AAAS: variants seen among roughly 807,000 people sequenced by gnomAD.
AAAS encodes the protein aladin.
A neutral mutation model predicts 75.6 loss-of-function variants in AAAS; 60 were observed. The observed-to-expected ratio is 0.79, with a 90% CI of 0.64 to 0.98. The LOEUF (loss-of-function observed/expected upper bound fraction) is 0.98, where lower values mean the gene tolerates loss of function less well. Ranked by LOEUF, AAAS falls within the 50% of genes least tolerant of loss-of-function variation. AAAS has a pLI of 0.00. For missense variants in AAAS, 658 were observed against 686.9 expected (o/e 0.96, Z 0.47); for synonymous variants, 271 against 265.0 (o/e 1.02, Z -0.22).
At chr12:53,319,585 G>GATTA (rs1555191599) in intron 2 of AAAS, among the ~76,000 whole-genome samples, 1 of 151,434 alleles carries the variant, frequency 6.6e-6, no homozygotes, top group Non-Finnish European at 1.5e-5. Context: ...GCCAAGGCAG[G>GATTA]CCTGAGGTCA....
chr12:53,310,630 C>T (rs1428091523), intron 7 of AAAS, among the ~76,000 whole-genome samples: 1 of 152,072 alleles, frequency 6.6e-6, no homozygotes, highest in East Asian at 1.9e-4. Context: ...CTGAGGGCAC[C>T]TGCCATGTGT....
At chr12:53,315,252 C>A (rs763177337) in intron 4 of AAAS, 83 bp downstream of exon 4, 1 of 1,597,784 alleles carries the variant, frequency 6.3e-7, no homozygotes, top group Admixed American at 1.7e-5. Context: ...CACACCCAAC[C>A]CTGACCTGCA....
Position 53,317,560 on chromosome 12 carries a change from A to T in AAAS, c.252-1778T>A, listed in dbSNP as rs1326691405. ...CAACAGAGCGAGACTCCGTCTCAAA[A>T]AAAAAAAACCAAAAAAATAAAACAA... On this transcript the variant is annotated intron_variant, in intron 2 of 15. Transcript: ENST00000209873. Among the ~76,000 whole-genome samples the T allele has an allele frequency of 2.0e-5, 3 of 151,892 alleles. No homozygotes were observed. In the East Asian group the frequency reaches 5.8e-4, roughly 29 times the overall value.
rs73309595 is a variant in AAAS at position 53,316,919 on chromosome 12, A to C, written c.252-1137T>G. The stretch of plus-strand genomic sequence containing the variant: ...ACATAGGGAAATGCTGTCTCTACAA[A>C]AAAAAATACAAAACTTAGGCAGGTG... On this transcript the variant is annotated intron_variant, in intron 2 of 15. Transcript: ENST00000209873. Among the ~76,000 whole-genome samples, 1,278 of 151,152 alleles carry C rather than the reference A, an allele frequency of 8.5e-3. 21 individuals carry two copies. Among genetic ancestry groups the C allele is most frequent in the South Asian group, 0.032 (152 of 4,774 alleles).
At chr12:53,313,327 C>G (rs1259785438) in intron 7 of AAAS, among the ~76,000 whole-genome samples, 1 of 151,852 alleles carries the variant, frequency 6.6e-6, no homozygotes, top group Non-Finnish European at 1.5e-5. Context: ...CCACGTCCAG[C>G]TAATTTTTTT....
At chr12:53,316,827 C>T (rs536731684) in intron 2 of AAAS, among the ~76,000 whole-genome samples, 2 of 151,468 alleles carry the variant, frequency 1.3e-5, no homozygotes, top group Admixed American at 6.6e-5. Context: ...GTGGCTCAAC[C>T]CTAGCACTTT....
At chr12:53,309,083 C>T in intron 9 of AAAS, 63 bp from the exon 10 acceptor site, 1 of 1,614,210 alleles carries the variant, frequency 6.2e-7, no homozygotes, top group Non-Finnish European at 8.5e-7. Flanking sequence ...GGACCTACCT[C>T]CCTTGACAGA....
rs886049653 is a variant in AAAS, at chr12:53,321,549, C to T, written c.-84G>A. 1.2e-6 allele frequency: 2 copies of T among 1,605,452 alleles called. No homozygotes were observed. The highest frequency in any genetic ancestry group is 1.7e-6 in the Non-Finnish European group (2 of 1,178,348). ...GCACTCCCGCAACTCGGTTCCCGGG[C>T]TAGATTCGTATGCGGACGGGTACCG... On this transcript the variant is annotated 5_prime_UTR_variant, in exon 1 of 16. Transcript: ENST00000209873.
At chr12:53,320,784 A>T (rs1944541609) in intron 1 of AAAS, 92 bp from the exon 2 acceptor site, 9 of 1,455,032 alleles carry the variant, frequency 6.2e-6, no homozygotes, top group Non-Finnish European at 8.6e-6. Context: ...TGGGCTAAGT[A>T]TAAGAGATTC....
At chr12:53,308,889 G>A (rs1176818395) in intron 10 of AAAS, 71 bp downstream of exon 10, 9 of 1,613,126 alleles carry the variant, frequency 5.6e-6, no homozygotes, top group Admixed American at 1.7e-5. Flanking sequence ...GAGGTGGCCA[G>A]GTTTGGGAGC....
chr12:53,311,640 T>C (rs1272119322), intron 7 of AAAS, among the ~76,000 whole-genome samples: 1 of 152,038 alleles, frequency 6.6e-6, no homozygotes, highest in Non-Finnish European at 1.5e-5. Flanking sequence ...ACAGGCCAGT[T>C]GCAGCGGCTC....
intron 7 of AAAS, 197 bp from the exon 8 acceptor site, chr12:53,309,918 G>A (rs1268734669): frequency 6.3e-6 from 5 of 787,476 alleles, no homozygotes; most frequent in South Asian, 1.7e-5. Context: ...AAGTCACCAC[G>A]AGCAGGTCAA....
At chr12:53,314,578 G>T in intron 6 of AAAS, 137 bp from the exon 7 acceptor site, 2 of 1,391,082 alleles carry the variant, frequency 1.4e-6, no homozygotes, top group Non-Finnish European at 1.0e-6. Context: ...GACAGGAGGG[G>T]ATAAAGGTTA....
rs1370901979 is a variant in AAAS at position 53,309,883 on chromosome 12, A to G, written c.690-162T>C. ...TAAGGATTGTGAAAGTTAAAAGAAA[A>G]AAACAGCGAAGGGGAAAAACGACCA... On this transcript the variant is annotated intron_variant, in intron 7 of 15. Transcript: ENST00000209873. 2.5e-6 allele frequency: 3 copies of G among 1,180,266 alleles called. No homozygotes were observed. In the African/African-American group the frequency reaches 4.6e-5, roughly 18 times the overall value. The allele number at this position is 1,180,266 out of a possible 1,614,324, so 73.1% of individuals were successfully genotyped here. A position where few individuals can be genotyped will look rare whatever the true frequency, so the allele number is the denominator to read the frequency against.
intron 7 of AAAS, among the ~76,000 whole-genome samples, chr12:53,312,181 C>T (rs1413944737): frequency 6.7e-6 from 1 of 149,804 alleles, no homozygotes; most frequent in Non-Finnish European, 1.5e-5. Context: ...CCACTGCACT[C>T]CATCCAGCCT....
rs1345005361 is a variant in AAAS at position 53,308,119 on chromosome 12, G to C, written c.1264C>G (p.Gln422Glu). The change falls in exon 14 of 16, where the codon CAG (glutamine) becomes GAG (glutamate). Residue 422 changes from glutamine (Q) to glutamate (E), a missense_variant. By Grantham distance (29) the Gln-to-Glu change is conservative. Transcript: ENST00000209873. ...AVLMKGKPRV[Q>E]DGKPVILLFR... ...AGGAGGATGACTGGTTTACCATCCT[G>C]TACCCTTGGCTTTCCTGTAAGAAAT... 6.2e-7 allele frequency: 1 copy of C among 1,614,226 alleles called. No individual in the cohort carries two copies. The highest frequency in any genetic ancestry group is 2.2e-5 in the East Asian group (1 of 44,882).
chr12:53,320,444 C>A (rs1166257371), intron 2 of AAAS, 121 bp downstream of exon 2: 3 of 1,368,978 alleles, frequency 2.2e-6, no homozygotes, highest in Non-Finnish European at 3.1e-6. Flanking sequence ...TTAGGATATA[C>A]AGCTCTCGTG....
chr12:53,318,247 T>TGTGTGTGTGTGTGC lies in AAAS; in HGVS notation c.251+2317_251+2318insGCACACACACACAC, dbSNP rs1555191453. ...CAGTGTGTGTGTGTGTGTGTGTGCGTGTGTGTGTGTGTGTGTGTGTGTGTG... is the reference window on the plus strand; with the variant it reads ...CAGTGTGTGTGTGTGTGTGTGTGCGTGTGTGTGTGTGTGCGTGTGTGTGTGTGTGTGTGTGTGTG... On this transcript the variant is annotated intron_variant, in intron 2 of 15. Coordinates refer to ENST00000209873, the MANE Select transcript of AAAS (RefSeq NM_015665.6). 2.4e-3 allele frequency among the ~76,000 whole-genome samples: 300 copies of TGTGTGTGTGTGTGC among 123,326 alleles called. 1 individual carries two copies. Among genetic ancestry groups the TGTGTGTGTGTGTGC allele is most frequent in the African/African-American group, 8.9e-3 (247 of 27,898 alleles). 80.9% of individuals were successfully genotyped at this position (123,326 alleles called of 152,430 possible). A position where few individuals can be genotyped will look rare whatever the true frequency, so the allele number is the denominator to read the frequency against.
At chr12:53,313,611 A>T (rs1440122207) in intron 7 of AAAS, among the ~76,000 whole-genome samples, 2 of 137,362 alleles carry the variant, frequency 1.5e-5, no homozygotes, top group Admixed American at 7.4e-5. Context: ...TTTATTCATA[A>T]TTTTTTTTTT....
Sources: gnomAD v4.1 joint callset for allele counts (sites outside exome capture counted in the v4.1 genomes callset) on GRCh38, gnomAD v4.1.1 for gene constraint, MANE v1.5 for transcripts, NCBI Gene and HGNC (gene_info 2026-07-23, HGNC 2026-07-21) for gene names.